The following UGT3A2 variants were observed in gnomAD, a reference collection of about 807,000 sequenced individuals.
UGT3A2 encodes UDP-glycosyltransferase 3A2.
UGT3A2 carries 32 observed loss-of-function variants against 39.8 expected under a neutral mutation model. That is an observed-to-expected ratio of 0.80 (90% CI 0.61 to 1.08). UGT3A2 has a LOEUF of 1.08. Among genes scored for constraint, UGT3A2 ranks in the 50% least tolerant of loss-of-function variants. The probability of loss-of-function intolerance (pLI) is 0.00; values close to 1 mark genes in which losing one functional copy is unlikely to be tolerated. For missense variants in UGT3A2, 611 were observed against 637.1 expected (o/e 0.96, Z 0.44); for synonymous variants, 241 against 230.7 (o/e 1.04, Z -0.40).
chr5:36,036,367 C>T (rs1394617117), intron 6 of UGT3A2, among the ~76,000 whole-genome samples: 1 of 152,218 alleles, frequency 6.6e-6, no homozygotes, highest in Admixed American at 6.5e-5. Context: ...CATTCCTGCA[C>T]CATCAGAACA....
intron 4 of UGT3A2, among the ~76,000 whole-genome samples, chr5:36,046,732 T>C (rs1438660892): frequency 6.6e-6 from 1 of 152,170 alleles, no homozygotes; most frequent in Admixed American, 6.5e-5. Context: ...TTGTAGTATA[T>C]TTTCAAGTAA....
chr5:36,040,635 G>C (rs984425906), intron 4 of UGT3A2, among the ~76,000 whole-genome samples: 2 of 152,172 alleles, frequency 1.3e-5, no homozygotes. Context: ...ACCCATGCAG[G>C]GAGCATTTAG....
At position 36,066,752 on chromosome 5, in the gene UGT3A2, A is replaced by G. The variant is rs375530598; in HGVS notation, c.38T>C (p.Leu13Pro). 444 of 1,614,078 alleles carry G rather than the reference A, an allele frequency of 2.8e-4. No individual in the cohort carries two copies. Among genetic ancestry groups the G allele is most frequent in the Non-Finnish European group, 3.7e-4 (433 of 1,180,036 alleles). Residue 13 changes from leucine to proline, a missense_variant, in exon 1 of 7, where the codon CTT becomes CCT. Coordinates refer to ENST00000282507, the MANE Select transcript of UGT3A2 (RefSeq NM_174914.4). ...GQRVLLLVGF[L>P]LPGVLLSEAA... ...CTCTGAGAGCAGGACCCCAGGGAGA[A>G]GGAAGCCCACTAGAAGAAGCACTCG... is the stretch of plus-strand genomic sequence containing the variant.
intron 4 of UGT3A2, among the ~76,000 whole-genome samples, chr5:36,047,245 A>C (rs971440431): frequency 6.6e-6 from 1 of 152,192 alleles, no homozygotes; most frequent in Non-Finnish European, 1.5e-5. Context: ...TAAAATGTAT[A>C]AAACCAGCCT....
intron 1 of UGT3A2, 103 bp from the exon 2 acceptor site, chr5:36,064,453 T>C: frequency 1.0e-6 from 1 of 996,286 alleles, no homozygotes; most frequent in East Asian, 2.6e-5. Flanking sequence ...CAGAAGTGGA[T>C]AGTGATTGGA....
intron 4 of UGT3A2, among the ~76,000 whole-genome samples, chr5:36,046,219 AAACTAG>A (rs1208184141): frequency 2.6e-5 from 4 of 152,254 alleles, no homozygotes; most frequent in Non-Finnish European, 5.9e-5. Context: ...CGAAAAACTA[AAACTAG>A]AACTACCATA....
At chr5:36,058,792 C>T (rs1742593917) in intron 2 of UGT3A2, among the ~76,000 whole-genome samples, 2 of 152,164 alleles carry the variant, frequency 1.3e-5, no homozygotes, top group Non-Finnish European at 2.9e-5. Flanking sequence ...TGTCCTCCTT[C>T]ATTCAGTCTC....
At chr5:36,042,794 G>A (rs1011932389) in intron 4 of UGT3A2, among the ~76,000 whole-genome samples, 1 of 151,736 alleles carries the variant, frequency 6.6e-6, no homozygotes, top group African/African-American at 2.4e-5. Context: ...GACAAAGAAG[G>A]TTATTATATA....
At position 36,035,964 on chromosome 5, in the gene UGT3A2, C is replaced by A; in HGVS notation, c.1306G>T (p.Ala436Ser). The stretch of plus-strand genomic sequence containing the variant: ...AGGATGACACTGGCAGCCACTGCCG[C>A]GGACTTGTATCTGTTGAGAGAGATA... The part of the protein sequence containing the change: ...QIMEDKRYKS[A>S]AVAASVILRS... Residue 436 changes from alanine to serine, a missense_variant, in exon 7 of 7, where the codon GCG becomes TCG. Ala to Ser is a moderately conservative substitution (Grantham distance 99, BLOSUM62 1). Coordinates refer to ENST00000282507, the MANE Select transcript of UGT3A2 (RefSeq NM_174914.4). The A allele has an allele frequency of 6.2e-7, 1 of 1,613,592 alleles. No homozygotes were observed. Among genetic ancestry groups the A allele is most frequent in the Non-Finnish European group, 8.5e-7 (1 of 1,179,632 alleles).
At chr5:36,055,555 A>G (rs1039032509) in intron 2 of UGT3A2, among the ~76,000 whole-genome samples, 2 of 152,108 alleles carry the variant, frequency 1.3e-5, no homozygotes, top group Non-Finnish European at 2.9e-5. Flanking sequence ...CTTTTAGAAG[A>G]GCAAGACCAC....
At chr5:36,038,712 T>G (rs1278093973) in intron 5 of UGT3A2, among the ~76,000 whole-genome samples, 3 of 152,226 alleles carry the variant, frequency 2.0e-5, no homozygotes, top group Non-Finnish European at 4.4e-5. Context: ...GGGAGGCATA[T>G]GCCCTACCCC....
At chr5:36,048,760 G>T in intron 4 of UGT3A2, 129 bp downstream of exon 4, 1 of 1,331,140 alleles carries the variant, frequency 7.5e-7, no homozygotes, top group Non-Finnish European at 1.0e-6. Flanking sequence ...TCCTTTAAAA[G>T]CATGCCCTAG....
chr5:36,050,640 T>A (rs1742312019), intron 3 of UGT3A2, among the ~76,000 whole-genome samples: 1 of 152,196 alleles, frequency 6.6e-6, no homozygotes, highest in Non-Finnish European at 1.5e-5. Context: ...GGAGGGTGGA[T>A]CACCTGAGGT....
Position 36,035,979 on chromosome 5 carries a change from T to C in UGT3A2, c.1296-5A>G. The stretch of plus-strand genomic sequence containing the variant: ...GCCACTGCCGCGGACTTGTATCTGT[T>C]GAGAGAGATAGAGAGGGGGCATTAC... On this transcript the variant is annotated splice_polypyrimidine_tract_variant and splice_region_variant and intron_variant, in intron 6 of 6. Coordinates refer to ENST00000282507, the MANE Select transcript of UGT3A2 (RefSeq NM_174914.4). 1.2e-6 allele frequency: 2 copies of C among 1,612,168 alleles called. No homozygotes were observed. Among genetic ancestry groups the C allele is most frequent in the East Asian group, 2.2e-5 (1 of 44,796 alleles).
Position 36,039,847 on chromosome 5 carries a change from T to C in UGT3A2, c.844-139A>G, listed in dbSNP as rs1580997027. The C allele has an allele frequency of 8.0e-5, 54 of 672,048 alleles. No individual in the cohort carries two copies. In the East Asian group the frequency reaches 1.5e-3, roughly 18 times the overall value. 41.6% of individuals were successfully genotyped at this position (672,048 alleles called of 1,614,324 possible). A position where few individuals can be genotyped will look rare whatever the true frequency, so the allele number is the denominator to read the frequency against. On this transcript the variant is annotated intron_variant, in intron 4 of 6. Transcript: ENST00000282507. ...AAAGCTATTATTATAGCTCCTAGTA[T>C]AGCTCGATACTAGCTGCACTGTGGT... is the stretch of plus-strand genomic sequence containing the variant.
At chr5:36,042,994 A>G (rs1037832954) in intron 4 of UGT3A2, among the ~76,000 whole-genome samples, 2 of 152,120 alleles carry the variant, frequency 1.3e-5, no homozygotes, top group African/African-American at 2.4e-5. Flanking sequence ...AAATCAACAA[A>G]GAAACATTGA....
intron 2 of UGT3A2, among the ~76,000 whole-genome samples, chr5:36,058,936 G>A (rs1357819813): frequency 6.6e-6 from 1 of 152,178 alleles, no homozygotes; most frequent in Non-Finnish European, 1.5e-5. Context: ...GAGACCTGAA[G>A]AGACCTGCAG....
chr5:36,035,446 C>A lies in UGT3A2; in HGVS notation c.*252G>T. ...ACTCAGAGACAGAATCACAGCATAG[C>A]CCTTGCTGATGGCAAACAAAGGAGG... On this transcript the variant is annotated 3_prime_UTR_variant, in exon 7 of 7. Coordinates refer to ENST00000282507, the MANE Select transcript of UGT3A2 (RefSeq NM_174914.4). 1 of 512,454 alleles carries A rather than the reference C, an allele frequency of 2.0e-6. No homozygotes were observed. The highest frequency in any genetic ancestry group is 2.2e-5 in the South Asian group (1 of 44,912). The allele number at this position is 512,454 out of a possible 1,614,324, so 31.7% of individuals were successfully genotyped here. A position where few individuals can be genotyped will look rare whatever the true frequency, so the allele number is the denominator to read the frequency against.
rs1742047381 is a variant in UGT3A2, at chr5:36,042,652, A to G, written c.844-2944T>C. 2.0e-5 allele frequency among the ~76,000 whole-genome samples: 3 copies of G among 152,300 alleles called. No homozygotes were observed. In the South Asian group the frequency reaches 6.2e-4, roughly 32 times the overall value. On this transcript the variant is annotated intron_variant, in intron 4 of 6. Transcript: ENST00000282507. ...GTTGCCTCCAAGAAACACACTGCCT[A>G]TAAAAACACACATAGACTGAAAATA...
Sources: gnomAD v4.1 joint callset for allele counts (sites outside exome capture counted in the v4.1 genomes callset) on GRCh38, gnomAD v4.1.1 for gene constraint, MANE v1.5 for transcripts, NCBI Gene and HGNC (gene_info 2026-07-23, HGNC 2026-07-21) for gene names.